The following IGSF10 variants were observed in gnomAD, a reference collection of about 807,000 sequenced individuals.
The protein encoded by IGSF10 is calvaria mechanical force protein 608.
A neutral mutation model predicts 128.2 loss-of-function variants in IGSF10; 126 were observed. The observed-to-expected ratio is 0.98, with a 90% CI of 0.85 to 1.14. The LOEUF is 1.14. IGSF10 is among the 50% of genes most tolerant of loss of function. The pLI, the probability that IGSF10 is intolerant of heterozygous loss-of-function variation, is 0.00. For synonymous variants in IGSF10, 1,185 were observed against 1,146.2 expected (o/e 1.03, Z -0.68); for missense variants, 3,295 against 3,149.8 (o/e 1.05, Z -1.10).
chr3:151,474,258 A>G, the IGSF10 span, among the ~76,000 whole-genome samples: 1 of 152,180 alleles, frequency 6.6e-6, no homozygotes, highest in East Asian at 1.9e-4. Flanking sequence ...TCGTTACTAC[A>G]GAAAGCTTAA....
the IGSF10 span, among the ~76,000 whole-genome samples, chr3:151,609,211 G>C: frequency 6.6e-6 from 1 of 152,162 alleles, no homozygotes; most frequent in Non-Finnish European, 1.5e-5. Flanking sequence ...AGGTGGAAGA[G>C]AATTTGACAT....
At chr3:151,433,789 A>G (rs1719793078), downstream of IGSF10, 1 of 152,570 alleles carries the variant, frequency 6.6e-6, no homozygotes, top group South Asian at 2.1e-4. Flanking sequence ...TTTGCTGTTT[A>G]TTTTGTATGG....
upstream of IGSF10, chr3:151,461,539 T>A: frequency 1.6e-6 from 1 of 622,764 alleles, no homozygotes; most frequent in Non-Finnish European, 2.0e-6. Flanking sequence ...GTAAAATGGT[T>A]ACTATAGTGA....
intron 7 of IGSF10, chr3:151,440,881 G>T: frequency 4.4e-6 from 1 of 229,466 alleles, no homozygotes; most frequent in Non-Finnish European, 9.2e-6. Flanking sequence ...AATTACATGG[G>T]TCGAGTTTAA....
At chr3:151,557,800 A>G in the IGSF10 span, among the ~76,000 whole-genome samples, 1 of 150,886 alleles carries the variant, frequency 6.6e-6, no homozygotes, top group Non-Finnish European at 1.5e-5. Flanking sequence ...ATTTGCTACA[A>G]ATGATCTCTT....
At chr3:151,567,447 T>C in the IGSF10 span, among the ~76,000 whole-genome samples, 1 of 152,184 alleles carries the variant, frequency 6.6e-6, no homozygotes. Context: ...AGAAAAACTT[T>C]CACTGTAAAC....
At chr3:151,567,156 T>C in the IGSF10 span, among the ~76,000 whole-genome samples, 1 of 152,170 alleles carries the variant, frequency 6.6e-6, no homozygotes, top group Admixed American at 6.5e-5. Context: ...TGATCATAGA[T>C]GAGGAAGATT....
chr3:151,522,879 G>A, the IGSF10 span, among the ~76,000 whole-genome samples: 1 of 152,134 alleles, frequency 6.6e-6, no homozygotes, highest in African/African-American at 2.4e-5. Context: ...AATAGGAGGA[G>A]AGGAAGTCAG....
At chr3:151,508,730 C>G in the IGSF10 span, among the ~76,000 whole-genome samples, 1 of 151,962 alleles carries the variant, frequency 6.6e-6, no homozygotes, top group Non-Finnish European at 1.5e-5. Flanking sequence ...TCAGAGGGCC[C>G]ATGGAGCATC....
rs1459366027 is a variant in IGSF10, at chr3:151,446,578, G to T, written c.3403C>A (p.Gln1135Lys). 6.2e-7 allele frequency: 1 copy of T among 1,614,050 alleles called. No individual in the cohort carries two copies. Among genetic ancestry groups the T allele is most frequent in the South Asian group, 1.1e-5 (1 of 91,080 alleles). The change falls in exon 6 of 8, where the codon CAA becomes AAA. Residue 1135 changes from glutamine (Q) to lysine (K), a missense_variant. Physicochemically the swap from Gln to Lys is moderately conservative, Grantham distance 53. Coordinates refer to ENST00000282466, the MANE Select transcript of IGSF10 (RefSeq NM_178822.5). Reference protein sequence around the residue: ...TIKYFRTEISQVTPTGAVMTY... With the variant: ...TIKYFRTEISKVTPTGAVMTY... ...ATGACTGCACCAGTTGGAGTCACTT[G>T]GGAAATTTCAGTCCTGAAATATTTT... is the stretch of plus-strand genomic sequence containing the variant.
the IGSF10 span, among the ~76,000 whole-genome samples, chr3:151,537,220 A>T: frequency 6.6e-6 from 1 of 152,176 alleles, no homozygotes. Flanking sequence ...TGGCTAGAGC[A>T]GGAGTGTAGG....
At chr3:151,485,354 T>C in the IGSF10 span, among the ~76,000 whole-genome samples, 2 of 152,062 alleles carry the variant, frequency 1.3e-5, no homozygotes, top group East Asian at 1.9e-4. Context: ...ATGGGGAGAA[T>C]GGAACCAAGC....
intron 2 of IGSF10, among the ~76,000 whole-genome samples, chr3:151,459,697 A>G (rs1721962354): frequency 6.6e-6 from 1 of 152,232 alleles, no homozygotes. Flanking sequence ...TCTGTTACCC[A>G]TATGTGGGGC....
chr3:151,433,051 A>C (rs995400189), downstream of IGSF10: 2 of 436,926 alleles, frequency 4.6e-6, no homozygotes, highest in African/African-American at 4.0e-5. Context: ...AGGCAGGCCT[A>C]CTCCCGGAAG....
chr3:151,583,663 C>T, the IGSF10 span, among the ~76,000 whole-genome samples: 84 of 152,270 alleles, frequency 5.5e-4, no homozygotes, highest in East Asian at 0.012. Flanking sequence ...TAACATGGCA[C>T]ACGTATACAT....
At chr3:151,614,930 T>C in the IGSF10 span, among the ~76,000 whole-genome samples, 1 of 151,060 alleles carries the variant, frequency 6.6e-6, no homozygotes, top group Non-Finnish European at 1.5e-5. Context: ...GTAATAATTA[T>C]GGTGATATCA....
chr3:151,610,007 T>TA, the IGSF10 span, among the ~76,000 whole-genome samples: 1 of 152,064 alleles, frequency 6.6e-6, no homozygotes, highest in Non-Finnish European at 1.5e-5. Flanking sequence ...GAAATGACTT[T>TA]AAAAAATCTT....
chr3:151,481,631 A>C, the IGSF10 span, among the ~76,000 whole-genome samples: 129,085 of 152,096 alleles, frequency 0.85, 54,938 homozygotes, highest in Middle Eastern at 0.94. Flanking sequence ...GAAAGTGAAC[A>C]TGCACCTTAA....
intron 4 of IGSF10, among the ~76,000 whole-genome samples, chr3:151,455,360 C>CT (rs936372307): frequency 1.3e-4 from 19 of 151,650 alleles, no homozygotes; most frequent in Non-Finnish European, 2.8e-4. Flanking sequence ...GATCTGCCCC[C>CT]CCTTGGCCTC....
Sources: allele counts gnomAD v4.1 joint callset (sites outside exome capture counted in the v4.1 genomes callset), GRCh38; gene constraint gnomAD v4.1.1; transcripts MANE v1.5; gene names NCBI Gene and HGNC (gene_info 2026-07-23, HGNC 2026-07-21).